Variants in ESR1 observed in about 807,000 individuals in gnomAD.
ESR1 encodes estrogen receptor 1, also known as estrogen receptor.
ESR1 carries 12 observed loss-of-function variants against 52.7 expected under a neutral mutation model. That is an observed-to-expected ratio of 0.23 (90% CI 0.15 to 0.37). The LOEUF (loss-of-function observed/expected upper bound fraction) is 0.37. Ranked by LOEUF, ESR1 falls within the 10% of genes least tolerant of loss-of-function variation. ESR1 has a pLI of 1.00. For synonymous variants in ESR1, 305 were observed against 316.8 expected (o/e 0.96, Z 0.39); for missense variants, 584 against 779.7 (o/e 0.75, Z 2.99).
chr6:151,691,601 T>C (rs1778949134), intron 1 of ESR1, among the ~76,000 whole-genome samples: 1 of 152,222 alleles, frequency 6.6e-6, no homozygotes, highest in Non-Finnish European at 1.5e-5. Flanking sequence ...TTTTAATGCC[T>C]TTATGTGCCA....
At chr6:152,082,670 A>C (rs1043090477) in intron 6 of ESR1, among the ~76,000 whole-genome samples, 1 of 152,176 alleles carries the variant, frequency 6.6e-6, no homozygotes, top group Non-Finnish European at 1.5e-5. Context: ...AGGAAGTCAA[A>C]TTGTCTCTGT....
intron 1 of ESR1, 107 bp downstream of exon 1, chr6:151,808,471 G>C: frequency 9.3e-6 from 10 of 1,069,882 alleles, no homozygotes; most frequent in Non-Finnish European, 1.1e-5. Flanking sequence ...GCCGCGGGAC[G>C]CGCGACCCGA....
intron 6 of ESR1, among the ~76,000 whole-genome samples, chr6:152,083,550 G>T (rs2049422032): frequency 6.6e-6 from 1 of 152,196 alleles, no homozygotes; most frequent in African/African-American, 2.4e-5. Flanking sequence ...CATGGGCAAA[G>T]ACTTTATGAC....
intron 4 of ESR1, among the ~76,000 whole-genome samples, chr6:151,964,099 A>C (rs534656124): frequency 6.6e-6 from 1 of 152,250 alleles, no homozygotes; most frequent in African/African-American, 2.4e-5. Flanking sequence ...GAAATCAGAG[A>C]GTTTGATGCC....
intron 4 of ESR1, among the ~76,000 whole-genome samples, chr6:151,946,197 G>A (rs559280637): frequency 1.0e-3 from 153 of 152,200 alleles, no homozygotes; most frequent in African/African-American, 3.5e-3. Context: ...GAAACTAATG[G>A]TCATATATTT....
At chr6:152,106,485 T>C (rs1182810609), downstream of ESR1, among the ~76,000 whole-genome samples, 1 of 152,228 alleles carries the variant, frequency 6.6e-6, no homozygotes, top group Admixed American at 6.5e-5. Context: ...TATCTGGTAA[T>C]ATATTAATTC....
intron 1 of ESR1, among the ~76,000 whole-genome samples, chr6:151,823,022 G>C (rs1780823131): frequency 1.3e-5 from 2 of 152,198 alleles, no homozygotes; most frequent in African/African-American, 2.4e-5. Flanking sequence ...ATGTAGGCTT[G>C]TCAGATAAAA....
intron 2 of ESR1, among the ~76,000 whole-genome samples, chr6:151,766,743 G>A (rs1311430678): frequency 6.6e-6 from 1 of 152,176 alleles, no homozygotes; most frequent in Non-Finnish European, 1.5e-5. Context: ...GCTAATGAGG[G>A]TAGGAAGGGG....
chr6:151,907,256 A>T (rs1386200499), intron 3 of ESR1, among the ~76,000 whole-genome samples: 3 of 152,064 alleles, frequency 2.0e-5, no homozygotes, highest in African/African-American at 7.2e-5. Context: ...TCAAACTTTA[A>T]TGAGATTGCA....
At chr6:151,976,921 T>C (rs2128657030) in intron 4 of ESR1, among the ~76,000 whole-genome samples, 1 of 152,188 alleles carries the variant, frequency 6.6e-6, no homozygotes, top group South Asian at 2.1e-4. Context: ...AATCTACCAC[T>C]AAATATAGTA....
intron 2 of ESR1, among the ~76,000 whole-genome samples, chr6:151,760,520 GT>G (rs1271714204): frequency 6.6e-6 from 1 of 152,006 alleles, no homozygotes; most frequent in African/African-American, 2.4e-5. Context: ...TCCTTTCTTT[GT>G]TGTCTTAGGA....
chr6:152,014,090 C>G (rs1206925788), intron 5 of ESR1, among the ~76,000 whole-genome samples: 1 of 152,190 alleles, frequency 6.6e-6, no homozygotes, highest in African/African-American at 2.4e-5. Context: ...CACACGCTCT[C>G]TCTCTTCCCC....
Position 152,123,919 on chromosome 6 carries a change from C to T in ESR1, c.851-1347C>T, listed in dbSNP as rs140921896. ...TTCTGAAGACAGACTACCCTAATATCGGTGGGGGATGCGGAGTGACACCTA... is the reference window on the plus strand; with the variant it reads ...TTCTGAAGACAGACTACCCTAATATTGGTGGGGGATGCGGAGTGACACCTA... On this transcript the variant is annotated intron_variant, in intron 6 of 6. Coordinates refer to the ESR1 transcript ENST00000427531. Among the ~76,000 whole-genome samples the T allele has an allele frequency of 2.6e-5, 4 of 152,262 alleles. No homozygotes were observed. In the East Asian group the frequency reaches 7.7e-4, roughly 29 times the overall value.
intron 6 of ESR1, among the ~76,000 whole-genome samples, chr6:152,079,234 G>T (rs2048995528): frequency 6.6e-6 from 1 of 152,208 alleles, no homozygotes; most frequent in Non-Finnish European, 1.5e-5. Flanking sequence ...CCCAGTAGGG[G>T]CCGACAGACA....
At position 151,682,059 on chromosome 6, in the gene ESR1, C is replaced by T. The variant is rs944262302; in HGVS notation, n.74-19816C>T. ...CAGGCCTATCAGCTGTCTGAGTCCC[C>T]GTAGGAAAACTGTTTATCGGATGCT... On this transcript the variant is annotated intron_variant and non_coding_transcript_variant, in intron 1 of 2. Transcript: ENST00000473497. Among the ~76,000 whole-genome samples, 3 of 152,312 alleles carry T rather than the reference C, an allele frequency of 2.0e-5. No individual in the cohort carries two copies. The South Asian group carries it at 6.2e-4, about 32-fold the overall frequency.
intron 6 of ESR1, among the ~76,000 whole-genome samples, chr6:152,090,369 G>A (rs2152486910): frequency 6.6e-6 from 1 of 152,308 alleles, no homozygotes; most frequent in East Asian, 1.9e-4. Context: ...TAGAATGAAG[G>A]ATTCTTTCAG....
Position 151,873,474 on chromosome 6 carries a change from T to G in ESR1, c.644-7181T>G, listed in dbSNP as rs141990655. 5.3e-3 allele frequency among the ~76,000 whole-genome samples: 807 copies of G among 152,264 alleles called. 10 individuals are homozygous for G. The highest frequency in any genetic ancestry group is 0.019 in the African/African-American group (772 of 41,556). ...TATGGAATTACCCCCAGATAGGAAGTGAGCACAAGTGTGAAATGAACAAGC... is the reference window on the plus strand; with the variant it reads ...TATGGAATTACCCCCAGATAGGAAGGGAGCACAAGTGTGAAATGAACAAGC... On this transcript the variant is annotated intron_variant, in intron 2 of 7. Coordinates refer to ENST00000206249, the MANE Select transcript of ESR1 (RefSeq NM_000125.4).
At chr6:151,907,326 C>G (rs1797612857) in intron 3 of ESR1, among the ~76,000 whole-genome samples, 1 of 151,902 alleles carries the variant, frequency 6.6e-6, no homozygotes, top group Non-Finnish European at 1.5e-5. Context: ...GTCTTCCTAC[C>G]CATTAACATT....
chr6:151,852,391 A>G (rs1377613631), intron 2 of ESR1, among the ~76,000 whole-genome samples: 1 of 152,190 alleles, frequency 6.6e-6, no homozygotes, highest in Non-Finnish European at 1.5e-5. Flanking sequence ...CTTGATTTTC[A>G]TAATAATATA....
Sources: gnomAD v4.1 joint callset for allele counts (sites outside exome capture counted in the v4.1 genomes callset) on GRCh38, gnomAD v4.1.1 for gene constraint, MANE v1.5 for transcripts, NCBI Gene and HGNC (gene_info 2026-07-23, HGNC 2026-07-21) for gene names.